The following RDX variants were observed in gnomAD, a reference collection of about 807,000 sequenced individuals.
The protein encoded by RDX is deafness, autosomal recessive 24.
Under a neutral mutation model 83.7 loss-of-function variants are expected in RDX, and 32 were observed. That is an observed-to-expected ratio of 0.38 (90% CI 0.29 to 0.51). The LOEUF is 0.51. Ranked by LOEUF, RDX falls within the 20% of genes least tolerant of loss-of-function variation. RDX has a pLI of 0.87. For missense variants in RDX, 600 were observed against 689.9 expected (o/e 0.87, Z 1.46); for synonymous variants, 229 against 222.7 (o/e 1.03, Z -0.25).
intron 10 of RDX, among the ~76,000 whole-genome samples, chr11:110,245,459 T>C (rs1859069256): frequency 6.6e-6 from 1 of 152,152 alleles, no homozygotes; most frequent in South Asian, 2.1e-4. Context: ...CTAGAAATTT[T>C]CTTTTTAATC....
At chr11:110,254,556 A>G (rs946793627) in intron 8 of RDX, among the ~76,000 whole-genome samples, 19 of 151,674 alleles carry the variant, frequency 1.3e-4, no homozygotes, top group African/African-American at 4.6e-4. Context: ...GTGCACTCCA[A>G]CCTCTGCCTC....
At chr11:110,259,276 C>T (rs1859700944) in intron 5 of RDX, among the ~76,000 whole-genome samples, 1 of 152,138 alleles carries the variant, frequency 6.6e-6, no homozygotes, top group East Asian at 1.9e-4. Flanking sequence ...TATTTTAACA[C>T]CAAATCAGCA....
Position 110,264,829 on chromosome 11 carries a change from G to C in RDX, c.142C>G (p.Gln48Glu). ...GAATAACCTTTGCTGTCTACATACT[G>C]CAGCCCAAAAAACCAGACCTCACGC... Reference protein sequence around the residue: ...GLREVWFFGLQYVDSKGYSTW... With the variant: ...GLREVWFFGLEYVDSKGYSTW... Residue 48 changes from glutamine to glutamate, a missense_variant, in exon 4 of 14, where the codon CAG (glutamine) becomes GAG (glutamate). Physicochemically the swap from Gln to Glu is conservative, Grantham distance 29. Transcript: ENST00000645495. 6.2e-7 allele frequency: 1 copy of C among 1,613,720 alleles called. No individual in the cohort carries two copies. Among genetic ancestry groups the C allele is most frequent in the Non-Finnish European group, 8.5e-7 (1 of 1,179,902 alleles).
chr11:110,183,561 C>A (rs1168034783), intron 15 of RDX, among the ~76,000 whole-genome samples: 2 of 152,204 alleles, frequency 1.3e-5, no homozygotes. Context: ...TAGTCTCAAG[C>A]GATCCTTCTG....
intron 5 of RDX, among the ~76,000 whole-genome samples, chr11:110,258,867 CTTTTTTTTTTTT>C (rs11421586): frequency 2.1e-5 from 2 of 94,618 alleles, no homozygotes; most frequent in Non-Finnish European, 4.0e-5. Flanking sequence ...CAAATACATT[CTTTTTTTTTTTT>C]TTTTTTTTTT....
chr11:110,180,815 C>G (rs1253904810), intron 15 of RDX, among the ~76,000 whole-genome samples: 1 of 152,044 alleles, frequency 6.6e-6, no homozygotes, highest in Non-Finnish European at 1.5e-5. Context: ...GGTATCTGCT[C>G]AAACATCACC....
downstream of RDX, among the ~76,000 whole-genome samples, chr11:110,225,775 G>A (rs962955829): frequency 1.3e-5 from 2 of 151,992 alleles, no homozygotes; most frequent in Admixed American, 6.6e-5. Flanking sequence ...GGCCAGGTGC[G>A]ATGGCTGACG....
chr11:110,281,605 G>T (rs1479780374), intron 1 of RDX, among the ~76,000 whole-genome samples: 1 of 152,124 alleles, frequency 6.6e-6, no homozygotes, highest in African/African-American at 2.4e-5. Context: ...GGGATTACAG[G>T]CATGAACCAT....
chr11:110,272,153 G>A (rs941620990), intron 3 of RDX, among the ~76,000 whole-genome samples: 1 of 152,102 alleles, frequency 6.6e-6, no homozygotes, highest in African/African-American at 2.4e-5. Context: ...AAGCATTTTG[G>A]ATAAGAGATG....
chr11:110,262,887 A>G (rs1335772354), intron 5 of RDX, among the ~76,000 whole-genome samples: 2 of 152,182 alleles, frequency 1.3e-5, no homozygotes, highest in Admixed American at 6.6e-5. Context: ...TATTATTTTA[A>G]AATAGCCATT....
Position 110,266,873 on chromosome 11 carries a change from C to T in RDX, c.97-1999G>A, listed in dbSNP as rs112944857. On this transcript the variant is annotated intron_variant, in intron 3 of 13. Coordinates refer to ENST00000645495, the MANE Select transcript of RDX (RefSeq NM_002906.4). ...AAAATGCTGGGATTATAGATGCAAG[C>T]CACTGCGCTTGGCCCTTGGTTTGTT... Among the ~76,000 whole-genome samples, 1,202 of 150,284 alleles carry T rather than the reference C, an allele frequency of 8.0e-3. 13 individuals are homozygous for T. Among genetic ancestry groups the T allele is most frequent in the African/African-American group, 0.027 (1,097 of 40,524 alleles).
chr11:110,222,586 G>A (rs1481463098), intron 14 of RDX, among the ~76,000 whole-genome samples: 1 of 152,252 alleles, frequency 6.6e-6, no homozygotes, highest in East Asian at 1.9e-4. Context: ...CATAAGGTCA[G>A]GAAATCGAGA....
downstream of RDX, among the ~76,000 whole-genome samples, chr11:110,225,232 C>T (rs193258052): frequency 5.5e-4 from 84 of 152,232 alleles, no homozygotes; most frequent in Admixed American, 2.4e-3. Flanking sequence ...GCAACAACAA[C>T]AAAATTGGAC....
chr11:110,192,165 C>CAGCCT (rs1321839742), intron 15 of RDX, among the ~76,000 whole-genome samples: 1 of 152,190 alleles, frequency 6.6e-6, no homozygotes, highest in Non-Finnish European at 1.5e-5. Flanking sequence ...ACCAAAACAG[C>CAGCCT]ATGATATGAG....
At chr11:110,194,077 A>G (rs1863154773) in intron 15 of RDX, among the ~76,000 whole-genome samples, 1 of 152,250 alleles carries the variant, frequency 6.6e-6, no homozygotes, top group South Asian at 2.1e-4. Context: ...CTGGAGCCTC[A>G]GGTTCCCTGA....
At chr11:110,217,755 G>A (rs1864106107) in intron 14 of RDX, among the ~76,000 whole-genome samples, 1 of 152,160 alleles carries the variant, frequency 6.6e-6, no homozygotes, top group Non-Finnish European at 1.5e-5. Context: ...GGGGTAGGGA[G>A]ATGGTACTTG....
At chr11:110,241,113 A>G (rs1167277155) in intron 10 of RDX, among the ~76,000 whole-genome samples, 2 of 150,966 alleles carry the variant, frequency 1.3e-5, no homozygotes, top group African/African-American at 2.4e-5. Flanking sequence ...TCTGTATTAT[A>G]TGTGTATATT....
At chr11:110,286,932 A>G (rs533820521) in intron 1 of RDX, 2 of 152,248 alleles carry the variant, frequency 1.3e-5, no homozygotes, top group Non-Finnish European at 2.9e-5. Context: ...ACATGCACAC[A>G]ATACAGAAAA....
At chr11:110,250,329 T>C (rs545932544) in intron 9 of RDX, among the ~76,000 whole-genome samples, 2 of 152,320 alleles carry the variant, frequency 1.3e-5, no homozygotes, top group East Asian at 1.9e-4. Flanking sequence ...CATGCCAGGT[T>C]GTCTGCCACC....
Sources: gnomAD v4.1 joint callset for allele counts (sites outside exome capture counted in the v4.1 genomes callset) on GRCh38, gnomAD v4.1.1 for gene constraint, MANE v1.5 for transcripts, NCBI Gene and HGNC (gene_info 2026-07-23, HGNC 2026-07-21) for gene names.